Variants in CACNA1A observed in about 807,000 individuals in gnomAD.
CACNA1A encodes the protein calcium voltage-gated channel subunit alpha1 A.
Under a neutral mutation model 262.4 loss-of-function variants are expected in CACNA1A, and 57 were observed. The observed-to-expected ratio is 0.22, with a 90% CI of 0.18 to 0.27. The LOEUF is 0.27. CACNA1A is among the 10% of genes least tolerant of loss of function. CACNA1A has a pLI of 1.00. For missense variants in CACNA1A, 2,526 were observed against 3,562.8 expected (o/e 0.71, Z 7.41); for synonymous variants, 1,431 against 1,419.3 (o/e 1.01, Z -0.18).
Position 13,227,378 on chromosome 19 carries a change from GA to G in CACNA1A, c.5625+52del. 3 of 799,338 alleles carry G rather than the reference GA, an allele frequency of 3.8e-6. No homozygotes were observed. In the Admixed American group the frequency reaches 6.8e-5, roughly 18 times the overall value. 49.5% of individuals were successfully genotyped at this position (799,338 alleles called of 1,614,324 possible). A position where few individuals can be genotyped will look rare whatever the true frequency, so the allele number is the denominator to read the frequency against. Reference sequence around the variant, plus strand: ...CAGCACTAAAAAAAAAGAAGAAGAAGAAGAAAAAAAAACCCAGTGCCTGGAC... The same window carrying G: ...CAGCACTAAAAAAAAAGAAGAAGAAGAGAAAAAAAAACCCAGTGCCTGGAC... On this transcript the variant is annotated intron_variant, in intron 37 of 46. Coordinates refer to ENST00000360228, the MANE Select transcript of CACNA1A (RefSeq NM_001127222.2).
At chr19:13,250,818 T>C (rs2056375877) in intron 30 of CACNA1A, among the ~76,000 whole-genome samples, 1 of 152,194 alleles carries the variant, frequency 6.6e-6, no homozygotes, top group Non-Finnish European at 1.5e-5. Flanking sequence ...GGTTACCTTT[T>C]GTAATAAAAT....
rs1344121539 is a variant in CACNA1A at position 13,321,999 on chromosome 19, C to G, written c.1346-4678G>C. 3.9e-5 allele frequency among the ~76,000 whole-genome samples: 6 copies of G among 151,936 alleles called. No homozygotes were observed. The South Asian group carries it at 1.2e-3, about 32-fold the overall frequency. On this transcript the variant is annotated intron_variant, in intron 10 of 46. Coordinates refer to ENST00000360228, the MANE Select transcript of CACNA1A (RefSeq NM_001127222.2). ...TGGGCAGATCGTAAGGTCAGGAGTT[C>G]GAGACCAGCCTGGCCAACATGGTGA...
chr19:13,246,639 T>G (rs2056242447), intron 30 of CACNA1A, among the ~76,000 whole-genome samples: 1 of 152,062 alleles, frequency 6.6e-6, no homozygotes, highest in Admixed American at 6.6e-5. Context: ...TTGTTTTTTT[T>G]TTTTGAGACA....
intron 21 of CACNA1A, chr19:13,283,663 T>C (rs1425834695): frequency 5.8e-6 from 2 of 346,712 alleles, no homozygotes; most frequent in African/African-American, 2.1e-5. Context: ...TTGAAGTATC[T>C]TGATCCCCAA....
intron 18 of CACNA1A, 100 bp downstream of exon 18, chr19:13,300,450 G>T: frequency 1.3e-6 from 1 of 798,580 alleles, no homozygotes; most frequent in Non-Finnish European, 2.2e-6. Flanking sequence ...CTAAAGCTCA[G>T]TTCTGTCAAG....
At chr19:13,227,378 GAA>G in intron 37 of CACNA1A, 51 bp downstream of exon 37, 3 of 799,338 alleles carry the variant, frequency 3.8e-6, no homozygotes, top group Non-Finnish European at 6.2e-6. Context: ...AGAAGAAGAA[GAA>G]GAAAAAAAAA....
rs1348201709 is a variant in CACNA1A at position 13,283,345 on chromosome 19, G to A, written c.3744C>T (p.Cys1248=). The change falls in exon 22 of 47, where the codon TGC becomes TGT. Residue 1248 remains cysteine (C), a synonymous_variant. Coordinates refer to ENST00000360228, the MANE Select transcript of CACNA1A (RefSeq NM_001127222.2). ...TGCTCATGGCAATGACCATGAGGAT[G>A]CACATCTCAAAGTAGCGCAGGTTCA... The part of the protein sequence containing the change: ...YILNLRYFEM[C]ILMVIAMSSI... 1 of 1,613,982 alleles carries A rather than the reference G, an allele frequency of 6.2e-7. No individual in the cohort carries two copies. Among genetic ancestry groups the A allele is most frequent in the East Asian group, 2.2e-5 (1 of 44,884 alleles).
At chr19:13,425,143 C>G (rs995400726) in intron 3 of CACNA1A, among the ~76,000 whole-genome samples, 93 of 152,122 alleles carry the variant, frequency 6.1e-4, no homozygotes, top group African/African-American at 2.2e-3. Context: ...GGTAATAAGA[C>G]TGACTCTCTT....
intron 6 of CACNA1A, among the ~76,000 whole-genome samples, chr19:13,338,650 C>T (rs2058619603): frequency 1.3e-5 from 2 of 152,124 alleles, no homozygotes; most frequent in Non-Finnish European, 2.9e-5. Context: ...ACAAAACAGG[C>T]TAAACTGGTG....
At position 13,325,442 on chromosome 19, in the gene CACNA1A, T is replaced by A. The variant is rs114237851; in HGVS notation, c.1345+4802A>T. On this transcript the variant is annotated intron_variant, in intron 10 of 46. Coordinates refer to ENST00000360228, the MANE Select transcript of CACNA1A (RefSeq NM_001127222.2). ...TAGGCATGAGCCACCGCACCAGGCC[T>A]GTATTATTGCATTCTTTACAGAAAT... Among the ~76,000 whole-genome samples the A allele has an allele frequency of 3.5e-3, 537 of 152,242 alleles. 1 individual carries two copies. Among genetic ancestry groups the A allele is most frequent in the African/African-American group, 0.012 (494 of 41,552 alleles).
At chr19:13,227,903 C>CTTTTTTT (rs34218031) in intron 36 of CACNA1A, among the ~76,000 whole-genome samples, 4 of 74,260 alleles carry the variant, frequency 5.4e-5, no homozygotes, top group African/African-American at 1.7e-4. Flanking sequence ...TGTTCATTGC[C>CTTTTTTT]TTTTTTTTTT....
intron 1 of CACNA1A, among the ~76,000 whole-genome samples, chr19:13,482,848 T>TTGTGTG (rs34754803): frequency 0.015 from 2,066 of 133,972 alleles, 29 homozygotes; most frequent in Non-Finnish European, 0.023. Flanking sequence ...TTCTCTCAAC[T>TTGTGTG]TGTGTGTGTG....
chr19:13,392,114 G>A (rs1185185603), intron 3 of CACNA1A, among the ~76,000 whole-genome samples: 1 of 152,028 alleles, frequency 6.6e-6, no homozygotes, highest in Admixed American at 6.6e-5. Context: ...AGGAGGCTGA[G>A]GCAGGACGAT....
chr19:13,459,236 T>C (rs954360352), intron 1 of CACNA1A, among the ~76,000 whole-genome samples: 1 of 152,196 alleles, frequency 6.6e-6, no homozygotes, highest in East Asian at 1.9e-4. Context: ...TCTCCTCTTC[T>C]GCCCTGGAGT....
intron 19 of CACNA1A, 59 bp from the exon 20 acceptor site, chr19:13,287,025 G>C: frequency 3.8e-6 from 5 of 1,331,438 alleles, no homozygotes; most frequent in Non-Finnish European, 5.1e-6. Context: ...AAAGGCAACA[G>C]TTCAGGATCC....
chr19:13,353,567 C>A (rs573703727), intron 6 of CACNA1A, among the ~76,000 whole-genome samples: 1 of 152,274 alleles, frequency 6.6e-6, no homozygotes, highest in Non-Finnish European at 1.5e-5. Context: ...TATTGTCAGG[C>A]TTTCAATTGC....
intron 3 of CACNA1A, among the ~76,000 whole-genome samples, chr19:13,431,455 A>G (rs996890757): frequency 3.3e-5 from 5 of 152,036 alleles, no homozygotes; most frequent in African/African-American, 1.2e-4. Context: ...AGAGCACTGC[A>G]GGGGGTTAAA....
intron 17 of CACNA1A, among the ~76,000 whole-genome samples, chr19:13,301,030 C>G (rs1318931601): frequency 2.0e-5 from 3 of 152,146 alleles, no homozygotes; most frequent in African/African-American, 7.2e-5. Flanking sequence ...TCACTGTAAC[C>G]TTGAACTCCT....
chr19:13,367,044 C>T (rs1003625280), intron 4 of CACNA1A, among the ~76,000 whole-genome samples: 2 of 152,180 alleles, frequency 1.3e-5, no homozygotes, highest in African/African-American at 4.8e-5. Flanking sequence ...CCTCTAATCC[C>T]AGCACTTTGG....
Sources: gnomAD v4.1 joint callset for allele counts (sites outside exome capture counted in the v4.1 genomes callset) on GRCh38, gnomAD v4.1.1 for gene constraint, MANE v1.5 for transcripts, NCBI Gene and HGNC (gene_info 2026-07-23, HGNC 2026-07-21) for gene names.